The following RPS6KC1 variants were observed in gnomAD, a reference collection of about 807,000 sequenced individuals.
RPS6KC1 encodes inactive ribosomal protein S6 kinase delta-1.
A neutral mutation model predicts 103.8 loss-of-function variants in RPS6KC1; 54 were observed. The ratio of observed to expected loss-of-function variants is 0.52; its 90% CI spans 0.42 to 0.65. The LOEUF (loss-of-function observed/expected upper bound fraction) is 0.65, where lower values mean the gene tolerates loss of function less well. Among genes scored for constraint, RPS6KC1 ranks in the 30% least tolerant of loss-of-function variants. RPS6KC1 has a pLI of 0.00. For synonymous variants in RPS6KC1, 439 were observed against 438.7 expected, an observed-to-expected ratio of 1.00 and a Z score of -0.01; for missense variants, 1,151 against 1,253.8, an observed-to-expected ratio of 0.92 and a Z score of 1.24.
the RPS6KC1 span, among the ~76,000 whole-genome samples, chr1:213,427,543 A>G: frequency 6.6e-6 from 1 of 152,120 alleles, no homozygotes; most frequent in Non-Finnish European, 1.5e-5. Context: ...TTTTCTGTCC[A>G]TTTATAAATC....
chr1:213,258,319 G>GTC (rs1369109217), intron 12 of RPS6KC1, among the ~76,000 whole-genome samples: 1 of 152,126 alleles, frequency 6.6e-6, no homozygotes, highest in Non-Finnish European at 1.5e-5. Flanking sequence ...GGCCAGGCTG[G>GTC]TCTCAAACTC....
At chr1:213,727,738 T>G in the RPS6KC1 span, among the ~76,000 whole-genome samples, 1 of 152,120 alleles carries the variant, frequency 6.6e-6, no homozygotes, top group Admixed American at 6.6e-5. Flanking sequence ...TAAAAGAGAT[T>G]TTCAATTCCC....
the RPS6KC1 span, among the ~76,000 whole-genome samples, chr1:213,695,731 T>C: frequency 6.6e-6 from 1 of 152,206 alleles, no homozygotes; most frequent in African/African-American, 2.4e-5. Flanking sequence ...TGCTGTCAGG[T>C]TATTGATTGT....
At chr1:213,767,858 T>C in the RPS6KC1 span, among the ~76,000 whole-genome samples, 1 of 152,094 alleles carries the variant, frequency 6.6e-6, no homozygotes, top group Non-Finnish European at 1.5e-5. Flanking sequence ...ATTAACTACA[T>C]TGGGAAACTT....
intron 14 of RPS6KC1, among the ~76,000 whole-genome samples, chr1:213,267,019 G>C (rs1558663043): frequency 6.6e-6 from 1 of 151,828 alleles, no homozygotes; most frequent in Non-Finnish European, 1.5e-5. Context: ...CTTCCTGCTT[G>C]GTCAGGTGCA....
At chr1:213,419,535 T>C in the RPS6KC1 span, among the ~76,000 whole-genome samples, 1 of 152,220 alleles carries the variant, frequency 6.6e-6, no homozygotes. Flanking sequence ...AACTAGTTAG[T>C]GGCAGAGCTG....
At position 213,272,752 on chromosome 1, in the gene RPS6KC1, G is replaced by T. The variant is rs1188472908; in HGVS notation, c.*118G>T. The T allele has an allele frequency of 1.4e-6, 1 of 693,094 alleles. No individual in the cohort carries two copies. Among genetic ancestry groups the T allele is most frequent in the Non-Finnish European group, 2.5e-6 (1 of 396,116 alleles). The allele number at this position is 693,094 out of a possible 1,614,324, so 42.9% of individuals were successfully genotyped here. On this transcript the variant is annotated 3_prime_UTR_variant, in exon 15 of 15. Transcript: ENST00000366960. ...GCACCAAAGCATTTGGATAAAGACCGTTATAGGAAATGGGGGGGAAATGGC... is the reference window on the plus strand; with the variant it reads ...GCACCAAAGCATTTGGATAAAGACCTTTATAGGAAATGGGGGGGAAATGGC...
At chr1:213,591,919 A>G in the RPS6KC1 span, among the ~76,000 whole-genome samples, 1 of 152,114 alleles carries the variant, frequency 6.6e-6, no homozygotes, top group African/African-American at 2.4e-5. Flanking sequence ...ACATCTTGGG[A>G]TGTGTCTGCC....
chr1:213,644,320 C>A, the RPS6KC1 span, among the ~76,000 whole-genome samples: 2 of 152,046 alleles, frequency 1.3e-5, no homozygotes, highest in Non-Finnish European at 2.9e-5. Flanking sequence ...TATCAACATC[C>A]CCCACCAGAG....
the RPS6KC1 span, among the ~76,000 whole-genome samples, chr1:213,468,259 G>C: frequency 9.2e-5 from 14 of 152,196 alleles, no homozygotes; most frequent in Non-Finnish European, 1.5e-4. Context: ...TTTGGCTTTG[G>C]AATATACGTG....
the RPS6KC1 span, among the ~76,000 whole-genome samples, chr1:213,718,074 G>A: frequency 6.6e-6 from 1 of 152,170 alleles, no homozygotes; most frequent in Admixed American, 6.5e-5. Flanking sequence ...TTTCTCCATT[G>A]CCTCTTGTGC....
intron 1 of RPS6KC1, among the ~76,000 whole-genome samples, chr1:213,059,014 A>G (rs1247801251): frequency 6.6e-6 from 1 of 152,128 alleles, no homozygotes; most frequent in African/African-American, 2.4e-5. Context: ...TTTTGTAGCT[A>G]TTGTCAATAG....
chr1:213,333,542 T>G, the RPS6KC1 span, among the ~76,000 whole-genome samples: 2 of 152,228 alleles, frequency 1.3e-5, no homozygotes, highest in African/African-American at 4.8e-5. Flanking sequence ...GTTTTCGTGC[T>G]TCAGGTATGG....
intron 6 of RPS6KC1, among the ~76,000 whole-genome samples, chr1:213,144,504 C>T (rs953594808): frequency 2.0e-5 from 3 of 152,024 alleles, no homozygotes; most frequent in Non-Finnish European, 4.4e-5. Context: ...ACTCCAGCCC[C>T]AGCCTCCCAC....
the RPS6KC1 span, among the ~76,000 whole-genome samples, chr1:213,854,560 C>CTTTCTTTCTT: frequency 1.0e-5 from 1 of 96,298 alleles, no homozygotes; most frequent in Non-Finnish European, 2.0e-5. Context: ...TTCTTTCTTT[C>CTTTCTTTCTT]TTTCTCTCTC....
At chr1:213,148,982 A>T (rs1316052608) in intron 6 of RPS6KC1, among the ~76,000 whole-genome samples, 1 of 152,260 alleles carries the variant, frequency 6.6e-6, no homozygotes, top group Non-Finnish European at 1.5e-5. Context: ...CATATTAGCT[A>T]CTAATGATCC....
At chr1:213,456,213 C>T in the RPS6KC1 span, among the ~76,000 whole-genome samples, 2 of 152,120 alleles carry the variant, frequency 1.3e-5, no homozygotes, top group East Asian at 3.9e-4. Flanking sequence ...TGGGCTGCTG[C>T]CTTAGTCTCC....
chr1:213,611,540 T>C, the RPS6KC1 span, among the ~76,000 whole-genome samples: 2 of 152,158 alleles, frequency 1.3e-5, no homozygotes, highest in South Asian at 4.1e-4. Flanking sequence ...TGACAATAGG[T>C]GTTATCCAGG....
chr1:213,182,853 GAT>G (rs999710308), intron 8 of RPS6KC1, among the ~76,000 whole-genome samples: 1 of 146,484 alleles, frequency 6.8e-6, no homozygotes, highest in Non-Finnish European at 1.5e-5. Flanking sequence ...TATATATCAT[GAT>G]ATATATGTAT....
Sources: allele counts gnomAD v4.1 joint callset (sites outside exome capture counted in the v4.1 genomes callset), GRCh38; gene constraint gnomAD v4.1.1; transcripts MANE v1.5; gene names NCBI Gene and HGNC (gene_info 2026-07-23, HGNC 2026-07-21).